The following CSMD1 variants were observed in gnomAD, a reference collection of about 807,000 sequenced individuals.
CSMD1 encodes CUB and sushi domain-containing protein 1.
Under a neutral mutation model 417.5 loss-of-function variants are expected in CSMD1, and 213 were observed. That is an observed-to-expected ratio of 0.51 (90% CI 0.46 to 0.57). The LOEUF is 0.57. Among genes scored for constraint, CSMD1 ranks in the 20% least tolerant of loss-of-function variants. The probability of loss-of-function intolerance (pLI) is 0.00; values close to 1 mark genes in which losing one functional copy is unlikely to be tolerated. For missense variants in CSMD1, 6,923 were observed against 4,529.7 expected (o/e 1.53, Z -15.17); for synonymous variants, 2,862 against 1,736.8 (o/e 1.65, Z -16.11).
intron 7 of CSMD1, among the ~76,000 whole-genome samples, chr8:3,658,524 T>C (rs2117434840): frequency 6.6e-6 from 1 of 151,060 alleles, no homozygotes; most frequent in East Asian, 1.9e-4. Context: ...GTCTCATGCC[T>C]GTAATCCCAG....
At chr8:4,810,120 G>C (rs576812743) in intron 1 of CSMD1, among the ~76,000 whole-genome samples, 3 of 152,230 alleles carry the variant, frequency 2.0e-5, no homozygotes, top group South Asian at 4.1e-4. Context: ...CAAAACCTTA[G>C]TTAAGGATTT....
intron 2 of CSMD1, among the ~76,000 whole-genome samples, chr8:4,500,408 C>G (rs1215571523): frequency 6.6e-6 from 1 of 152,092 alleles, no homozygotes; most frequent in African/African-American, 2.4e-5. Context: ...AAATAATGAA[C>G]TATTACTGTA....
In CSMD1 at chr8:3,008,348, A is replaced by C. The variant is rs547765840; in HGVS notation, c.8030-8217T>G. Among the ~76,000 whole-genome samples the C allele has an allele frequency of 7.4e-4, 112 of 152,308 alleles. 1 individual carries two copies. The highest frequency in any genetic ancestry group is 2.4e-3 in the African/African-American group (100 of 41,556). On this transcript the variant is annotated intron_variant, in intron 52 of 69. Transcript: ENST00000635120. ...ACACACAGGGAAAACCACTCACTCC[A>C]TTATCACCCGCACAGTGTGGCCCAC...
At chr8:3,488,692 A>C (rs1224371815) in intron 11 of CSMD1, among the ~76,000 whole-genome samples, 2 of 152,192 alleles carry the variant, frequency 1.3e-5, no homozygotes, top group African/African-American at 4.8e-5. Context: ...AGAATCAAGC[A>C]AGAACGCTTC....
At chr8:4,336,197 G>A (rs988667777) in intron 3 of CSMD1, among the ~76,000 whole-genome samples, 2 of 152,156 alleles carry the variant, frequency 1.3e-5, no homozygotes, top group Non-Finnish European at 2.9e-5. Context: ...GGTTGACTCA[G>A]GGAATGCAGG....
chr8:4,229,291 T>G (rs1801562760), intron 3 of CSMD1, among the ~76,000 whole-genome samples: 1 of 152,192 alleles, frequency 6.6e-6, no homozygotes, highest in South Asian at 2.1e-4. Context: ...CATTCTTCAG[T>G]GGCTTGAGCC....
At chr8:3,691,284 T>C (rs1280234631) in intron 7 of CSMD1, among the ~76,000 whole-genome samples, 1 of 151,970 alleles carries the variant, frequency 6.6e-6, no homozygotes, top group Non-Finnish European at 1.5e-5. Context: ...AGGAGATCAC[T>C]TGACCCTGGG....
At chr8:3,900,030 G>A (rs190835832) in intron 5 of CSMD1, among the ~76,000 whole-genome samples, 20 of 152,230 alleles carry the variant, frequency 1.3e-4, no homozygotes, top group Admixed American at 1.0e-3. Flanking sequence ...CTAGCTAGGT[G>A]ACACTGCAGC....
At chr8:4,158,749 G>A (rs913232558) in intron 3 of CSMD1, among the ~76,000 whole-genome samples, 29 of 152,110 alleles carry the variant, frequency 1.9e-4, no homozygotes, top group African/African-American at 5.8e-4. Flanking sequence ...CACCATCATC[G>A]TCACTTGATG....
intron 25 of CSMD1, among the ~76,000 whole-genome samples, chr8:3,306,343 T>C (rs1469231260): frequency 6.6e-6 from 1 of 152,186 alleles, no homozygotes; most frequent in East Asian, 1.9e-4. Flanking sequence ...CCAGATGCTT[T>C]TTGTATTTTT....
intron 26 of CSMD1, among the ~76,000 whole-genome samples, chr8:3,231,820 A>C (rs1371035198): frequency 6.6e-6 from 1 of 152,176 alleles, no homozygotes; most frequent in East Asian, 1.9e-4. Context: ...TCACTTAAGC[A>C]CACTTATCAT....
chr8:4,828,354 A>G (rs1020105179), intron 1 of CSMD1, among the ~76,000 whole-genome samples: 19 of 152,146 alleles, frequency 1.2e-4, no homozygotes, highest in East Asian at 7.7e-4. Context: ...CATAAGCCCA[A>G]TTGTTGACCT....
At chr8:3,678,501 G>C (rs962807792) in intron 7 of CSMD1, among the ~76,000 whole-genome samples, 2 of 152,094 alleles carry the variant, frequency 1.3e-5, no homozygotes, top group Non-Finnish European at 2.9e-5. Flanking sequence ...GGAATAAAAA[G>C]AAATGAACAA....
intron 3 of CSMD1, among the ~76,000 whole-genome samples, chr8:4,149,201 T>C (rs1366167409): frequency 6.6e-6 from 1 of 152,110 alleles, no homozygotes; most frequent in Non-Finnish European, 1.5e-5. Context: ...TGACCTCAGG[T>C]GATCCGTCCA....
intron 2 of CSMD1, among the ~76,000 whole-genome samples, chr8:4,616,105 T>C (rs972085357): frequency 2.0e-5 from 3 of 152,174 alleles, no homozygotes; most frequent in African/African-American, 7.2e-5. Context: ...CCCAAACTAT[T>C]TAGACATCTT....
At chr8:4,658,463 A>G (rs1804378963) in intron 1 of CSMD1, among the ~76,000 whole-genome samples, 2 of 152,138 alleles carry the variant, frequency 1.3e-5, no homozygotes, top group Admixed American at 1.3e-4. Context: ...TAAAGCAGTG[A>G]CGCAAAAAAG....
chr8:3,088,140 A>G (rs1345857763), intron 48 of CSMD1, among the ~76,000 whole-genome samples: 2 of 152,194 alleles, frequency 1.3e-5, no homozygotes, highest in African/African-American at 4.8e-5. Context: ...AGACATTTTA[A>G]AACTAGAGAT....
intron 33 of CSMD1, among the ~76,000 whole-genome samples, chr8:3,194,137 T>G (rs887023639): frequency 6.6e-6 from 1 of 152,172 alleles, no homozygotes; most frequent in Non-Finnish European, 1.5e-5. Flanking sequence ...AAGCAAAATT[T>G]TACATTTATT....
At chr8:4,461,118 A>C (rs1452288113) in intron 2 of CSMD1, among the ~76,000 whole-genome samples, 1 of 150,344 alleles carries the variant, frequency 6.7e-6, no homozygotes, top group Non-Finnish European at 1.5e-5. Flanking sequence ...CTGAAAATCT[A>C]ACACTGTGCC....
Sources: gnomAD v4.1 joint callset for allele counts (sites outside exome capture counted in the v4.1 genomes callset) on GRCh38, gnomAD v4.1.1 for gene constraint, MANE v1.5 for transcripts, NCBI Gene and HGNC (gene_info 2026-07-23, HGNC 2026-07-21) for gene names.